SPAST: variants seen among roughly 807,000 people sequenced by gnomAD.
SPAST encodes the protein spastic paraplegia 4 (autosomal dominant; spastin).
A neutral mutation model predicts 76.6 loss-of-function variants in SPAST; 30 were observed. The observed-to-expected ratio is 0.39, with a 90% CI of 0.29 to 0.53. The LOEUF (loss-of-function observed/expected upper bound fraction) is 0.53, where lower values mean the gene tolerates loss of function less well. SPAST is among the 20% of genes least tolerant of loss of function. The pLI is 0.68. For missense variants in SPAST, 717 were observed against 770.5 expected (o/e 0.93, Z 0.82); for synonymous variants, 305 against 281.0 (o/e 1.09, Z -0.86).
intron 1 of SPAST, among the ~76,000 whole-genome samples, chr2:32,079,265 G>A (rs538342740): frequency 1.1e-4 from 16 of 152,010 alleles, no homozygotes; most frequent in African/African-American, 3.1e-4. Flanking sequence ...GCCTGTAATC[G>A]CAACATTTTG....
intron 3 of SPAST, among the ~76,000 whole-genome samples, chr2:32,094,564 T>C (rs1487982941): frequency 6.6e-6 from 1 of 152,152 alleles, no homozygotes; most frequent in Non-Finnish European, 1.5e-5. Context: ...ATAGTAGAGA[T>C]GAAGTCAGAG....
chr2:32,093,451 T>C (rs1677801920), intron 3 of SPAST, among the ~76,000 whole-genome samples: 1 of 152,064 alleles, frequency 6.6e-6, no homozygotes, highest in Non-Finnish European at 1.5e-5. Context: ...CACTGCACTC[T>C]AGCCTGGATG....
rs145637328 is a variant in SPAST, at chr2:32,095,464, G to C, written c.587-3332G>C. Among the ~76,000 whole-genome samples the C allele has an allele frequency of 4.1e-3, 626 of 152,186 alleles. 8 individuals carry two copies. Among genetic ancestry groups the C allele is most frequent in the African/African-American group, 0.014 (589 of 41,512 alleles). On this transcript the variant is annotated intron_variant, in intron 3 of 16. Transcript: ENST00000315285. ...AAGAATGTGAGGGCTGGGCACAGTG[G>C]CTCATACCTGTAATCCTAGCACTTT...
At chr2:32,082,824 T>C (rs1446731060) in intron 1 of SPAST, among the ~76,000 whole-genome samples, 2 of 152,234 alleles carry the variant, frequency 1.3e-5, no homozygotes, top group Admixed American at 6.5e-5. Context: ...TTGAGATTTA[T>C]CCCTTTTCCT....
At chr2:32,104,067 G>T (rs994710405) in intron 4 of SPAST, among the ~76,000 whole-genome samples, 7 of 152,098 alleles carry the variant, frequency 4.6e-5, no homozygotes, top group Non-Finnish European at 8.8e-5. Flanking sequence ...AAGTCTCCCA[G>T]TATTATTGTG....
intron 1 of SPAST, among the ~76,000 whole-genome samples, chr2:32,074,023 C>T (rs1455323058): frequency 6.6e-6 from 1 of 152,084 alleles, no homozygotes; most frequent in African/African-American, 2.4e-5. Context: ...GGTTTATTAC[C>T]CACTGTAGCC....
intron 16 of SPAST, among the ~76,000 whole-genome samples, chr2:32,151,880 C>CGG: frequency 6.7e-6 from 1 of 150,284 alleles, no homozygotes; most frequent in South Asian, 2.1e-4. Context: ...CACTGCACTC[C>CGG]AGTCTGTGCG....
At chr2:32,113,565 T>G (rs1174739138) in intron 4 of SPAST, among the ~76,000 whole-genome samples, 8 of 140,156 alleles carry the variant, frequency 5.7e-5, no homozygotes, top group African/African-American at 2.1e-4. Flanking sequence ...CATAACTTTT[T>G]TTTTTTTTTT....
intron 1 of SPAST, among the ~76,000 whole-genome samples, chr2:32,077,655 A>T (rs1677018249): frequency 6.6e-6 from 1 of 152,196 alleles, no homozygotes; most frequent in Non-Finnish European, 1.5e-5. Context: ...ACTTGCAAAC[A>T]CATATCCTCT....
intron 12 of SPAST, among the ~76,000 whole-genome samples, chr2:32,138,282 T>TA (rs1180027348): frequency 6.6e-6 from 1 of 152,226 alleles, no homozygotes; most frequent in Non-Finnish European, 1.5e-5. Context: ...CAGCAGTACA[T>TA]ACGCTCCACA....
At chr2:32,067,803 G>A (rs1466060044) in intron 1 of SPAST, among the ~76,000 whole-genome samples, 1 of 147,728 alleles carries the variant, frequency 6.8e-6, no homozygotes, top group Non-Finnish European at 1.5e-5. Flanking sequence ...ATGTTAGCCA[G>A]GCTGGAGAAA....
rs1253718418 is a variant in SPAST at position 32,067,294 on chromosome 2, T to A, written c.415+3048T>A. Among the ~76,000 whole-genome samples the A allele has an allele frequency of 4.6e-5, 7 of 152,246 alleles. No individual in the cohort carries two copies. The East Asian group carries it at 9.7e-4, about 21-fold the overall frequency. On this transcript the variant is annotated intron_variant, in intron 1 of 16. Transcript: ENST00000315285. ...CCAGGCTGGTTTCGAGCTCCTGACC[T>A]CAAGTGAACCGCCCTCCTTGGCCTC...
chr2:32,086,830 C>A (rs1405703614), intron 1 of SPAST, among the ~76,000 whole-genome samples: 2 of 151,818 alleles, frequency 1.3e-5, no homozygotes, highest in Non-Finnish European at 2.9e-5. Context: ...AGAAATAAAA[C>A]AAAAAATTAA....
chr2:32,124,831 G>A (rs1679139398), intron 7 of SPAST, among the ~76,000 whole-genome samples: 1 of 152,176 alleles, frequency 6.6e-6, no homozygotes, highest in Admixed American at 6.5e-5. Flanking sequence ...ATGATGTTTT[G>A]GAAAAGGCAA....
rs186203618 is a variant in SPAST, at chr2:32,067,491, C to T, written c.415+3245C>T. ...CTTAGATTTGAAGAAATAGCAGTTC[C>T]ATGTGAGGAATAAGTGGAAGAAATA... On this transcript the variant is annotated intron_variant, in intron 1 of 16. Transcript: ENST00000315285. 2.7e-4 allele frequency among the ~76,000 whole-genome samples: 41 copies of T among 152,186 alleles called. No homozygotes were observed. The East Asian group carries it at 6.4e-3, about 24-fold the overall frequency.
chr2:32,071,901 C>T (rs1176969123), intron 1 of SPAST, among the ~76,000 whole-genome samples: 2 of 152,152 alleles, frequency 1.3e-5, no homozygotes, highest in African/African-American at 4.8e-5. Context: ...AGTTAATTTT[C>T]TCCTGGTTCA....
At chr2:32,070,971 G>A (rs113253271) in intron 1 of SPAST, among the ~76,000 whole-genome samples, 68 of 152,240 alleles carry the variant, frequency 4.5e-4, no homozygotes, top group Admixed American at 1.9e-3. Flanking sequence ...TTAAGTGAAT[G>A]GACTCAAAAT....
intron 4 of SPAST, among the ~76,000 whole-genome samples, chr2:32,108,402 T>C (rs918721113): frequency 1.3e-5 from 2 of 152,166 alleles, no homozygotes; most frequent in Non-Finnish European, 2.9e-5. Flanking sequence ...CTTTAACTCT[T>C]TTTGCTATTT....
chr2:32,107,198 C>T (rs1678356704), intron 4 of SPAST, among the ~76,000 whole-genome samples: 1 of 152,006 alleles, frequency 6.6e-6, no homozygotes, highest in Non-Finnish European at 1.5e-5. Context: ...TTGAATATCC[C>T]TAATATGAAA....
Sources: allele counts gnomAD v4.1 joint callset (sites outside exome capture counted in the v4.1 genomes callset), GRCh38; gene constraint gnomAD v4.1.1; transcripts MANE v1.5; gene names NCBI Gene and HGNC (gene_info 2026-07-23, HGNC 2026-07-21).